Variants in PTGR1 observed in about 807,000 individuals in gnomAD.
The protein encoded by PTGR1 is 15-oxoprostaglandin 13-reductase.
Under a neutral mutation model 37.7 loss-of-function variants are expected in PTGR1, and 23 were observed. The ratio of observed to expected loss-of-function variants is 0.61; its 90% CI spans 0.44 to 0.86. The LOEUF (loss-of-function observed/expected upper bound fraction) is 0.86. Ranked by LOEUF, PTGR1 falls within the 40% of genes least tolerant of loss-of-function variation. The pLI is 0.00. For synonymous variants in PTGR1, 134 were observed against 140.0 expected (o/e 0.96, Z 0.30); for missense variants, 351 against 394.3 (o/e 0.89, Z 0.93).
intron 4 of PTGR1, among the ~76,000 whole-genome samples, chr9:111,588,976 T>C (rs915418136): frequency 4.6e-5 from 7 of 152,212 alleles, no homozygotes; most frequent in Non-Finnish European, 1.0e-4. Context: ...AGTCAGGATT[T>C]CTATAAATGG....
rs1828744564 is a variant in PTGR1, at chr9:111,570,137, T to A, written c.833A>T (p.Asp278Val). The stretch of plus-strand genomic sequence containing the variant: ...GTCCTTCAGAGCTTTTTGGCGGGCA[T>A]CTCCTTGCCAGCGGTAGACGACAAA... The part of the protein sequence containing the change: ...EAFVVYRWQG[D>V]ARQKALKDLL... The change falls in exon 9 of 10, where the codon GAT becomes GTT. Residue 278 changes from aspartate (D) to valine (V), a missense_variant. Coordinates refer to ENST00000407693, the MANE Select transcript of PTGR1 (RefSeq NM_001146108.2). 1 of 1,613,892 alleles carries A rather than the reference T, an allele frequency of 6.2e-7. No homozygotes were observed. The highest frequency in any genetic ancestry group is 1.3e-5 in the African/African-American group (1 of 74,868).
At chr9:111,565,358 T>G (rs568772315) in intron 9 of PTGR1, among the ~76,000 whole-genome samples, 1 of 152,310 alleles carries the variant, frequency 6.6e-6, no homozygotes, top group Non-Finnish European at 1.5e-5. Context: ...ATAAGTTTGT[T>G]GTTTAAGCCA....
chr9:111,581,165 G>A (rs1829269391), intron 6 of PTGR1, among the ~76,000 whole-genome samples: 1 of 152,218 alleles, frequency 6.6e-6, no homozygotes, highest in Admixed American at 6.5e-5. Context: ...AACTGATGCT[G>A]CTGCAAGTCA....
At chr9:111,554,321 C>T (rs1335453070) in intron 9 of PTGR1, among the ~76,000 whole-genome samples, 3 of 152,226 alleles carry the variant, frequency 2.0e-5, no homozygotes, top group African/African-American at 7.2e-5. Flanking sequence ...CACTTCTACT[C>T]TTCCGTTGCC....
chr9:111,565,647 C>G (rs1292890947), intron 9 of PTGR1, among the ~76,000 whole-genome samples: 2 of 152,110 alleles, frequency 1.3e-5, no homozygotes, highest in Non-Finnish European at 2.9e-5. Flanking sequence ...CCTCAGCCTC[C>G]CGAGTAGCTG....
chr9:111,592,841 T>C (rs956261026), intron 4 of PTGR1, 85 bp downstream of exon 4: 13 of 1,526,080 alleles, frequency 8.5e-6, no homozygotes, highest in South Asian at 1.3e-5. Flanking sequence ...GAAGAAATTG[T>C]AGGAGCAATG....
chr9:111,597,415 C>T lies in PTGR1; in HGVS notation c.8G>A (p.Arg3His), dbSNP rs776877398. The change falls in exon 2 of 10, where the codon CGT (arginine) becomes CAT (histidine). Residue 3 changes from arginine (R) to histidine (H), a missense_variant. Transcript: ENST00000407693. MV[R>H]TKTWTLKKHF... The stretch of plus-strand genomic sequence containing the variant: ...CTTCTTCAGGGTCCATGTCTTAGTA[C>T]GAACCATCCTGAAGCTCCTAGAACA... 6.8e-6 allele frequency: 11 copies of T among 1,609,444 alleles called. No homozygotes were observed. The highest frequency in any genetic ancestry group is 5.5e-5 in the South Asian group (5 of 90,498).
At chr9:111,560,944 AATATATATATATAT>A (rs746101013), downstream of PTGR1, among the ~76,000 whole-genome samples, 72 of 31,190 alleles carry the variant, frequency 2.3e-3, 1 homozygote, top group East Asian at 6.2e-3. Context: ...CTCCATCTAA[AATATATATATATAT>A]ATATATATAT....
downstream of PTGR1, among the ~76,000 whole-genome samples, chr9:111,560,196 T>C (rs1828233007): frequency 6.6e-6 from 1 of 151,394 alleles, no homozygotes; most frequent in Non-Finnish European, 1.5e-5. Flanking sequence ...AATACAAAAA[T>C]CAGGCTGGGC....
chr9:111,583,791 T>C (rs2132409377), intron 5 of PTGR1, among the ~76,000 whole-genome samples: 1 of 152,314 alleles, frequency 6.6e-6, no homozygotes, highest in African/African-American at 2.4e-5. Flanking sequence ...TGATGTGAAC[T>C]AGGGAGGGAA....
At chr9:111,598,139 A>C (rs752378362) in intron 1 of PTGR1, among the ~76,000 whole-genome samples, 47 of 152,008 alleles carry the variant, frequency 3.1e-4, no homozygotes, top group Non-Finnish European at 6.0e-4. Flanking sequence ...ATCGGGTGCG[A>C]ATTTTCTTTG....
chr9:111,586,186 A>C (rs749703415), intron 4 of PTGR1, 21 bp from the exon 5 acceptor site: 2 of 1,608,284 alleles, frequency 1.2e-6, no homozygotes, highest in East Asian at 2.2e-5. Context: ...AAGCACATTA[A>C]GGCATTAAGG....
In PTGR1 at chr9:111,588,054, C is replaced by T. The variant is rs1829493879; in HGVS notation, c.210-1889G>A. Reference sequence around the variant, plus strand: ...TTTGAGACACAGTCTCTCTCTGTTGCTCAGGCTGGAGTGTAGTGGTGCGAT... The same window carrying T: ...TTTGAGACACAGTCTCTCTCTGTTGTTCAGGCTGGAGTGTAGTGGTGCGAT... On this transcript the variant is annotated intron_variant, in intron 4 of 9. Coordinates refer to ENST00000407693, the MANE Select transcript of PTGR1 (RefSeq NM_001146108.2). Among the ~76,000 whole-genome samples, 3 of 144,490 alleles carry T rather than the reference C, an allele frequency of 2.1e-5. No homozygotes were observed. The Admixed American group carries it at 2.1e-4, about 10-fold the overall frequency. 94.8% of individuals were successfully genotyped at this position (144,490 alleles called of 152,430 possible). A position where few individuals can be genotyped will look rare whatever the true frequency, so the allele number is the denominator to read the frequency against.
At chr9:111,556,057 TAGAAC>T (rs1203223916) in intron 9 of PTGR1, among the ~76,000 whole-genome samples, 1 of 152,180 alleles carries the variant, frequency 6.6e-6, no homozygotes, top group Non-Finnish European at 1.5e-5. Flanking sequence ...ACTTCCAAGA[TAGAAC>T]AGGGGTACAG....
At position 111,598,336 on chromosome 9, in the gene PTGR1, AGTTAC is replaced by A. The variant is rs764260022; in HGVS notation, c.-10-909_-10-905del. On this transcript the variant is annotated intron_variant, in intron 1 of 9. Coordinates refer to ENST00000407693, the MANE Select transcript of PTGR1 (RefSeq NM_001146108.2). Reference sequence around the variant, plus strand: ...CGGGTGCATCCGCTACAAACAATCCAGTTACGAAACCATTTGGAGCTGCCAGTGAT... The same window carrying A: ...CGGGTGCATCCGCTACAAACAATCCAGAAACCATTTGGAGCTGCCAGTGAT... Among the ~76,000 whole-genome samples, 442 of 152,286 alleles carry A rather than the reference AGTTAC, an allele frequency of 2.9e-3. 5 individuals carry two copies. The highest frequency in any genetic ancestry group is 3.4e-3 in the Middle Eastern group (1 of 294).
chr9:111,595,411 T>G (rs1203542236), intron 2 of PTGR1, among the ~76,000 whole-genome samples: 4 of 152,194 alleles, frequency 2.6e-5, no homozygotes, highest in African/African-American at 9.7e-5. Context: ...TTTAAACCAT[T>G]ATGTTACAGT....
chr9:111,556,776 G>A (rs565594946), intron 9 of PTGR1, among the ~76,000 whole-genome samples: 66 of 152,274 alleles, frequency 4.3e-4, no homozygotes, highest in South Asian at 1.7e-3. Context: ...CTGCTGCCAT[G>A]TGAAGATGTG....
intron 9 of PTGR1, among the ~76,000 whole-genome samples, chr9:111,551,342 T>G (rs952675594): frequency 6.6e-6 from 1 of 151,984 alleles, no homozygotes; most frequent in African/African-American, 2.4e-5. Context: ...CAAACATACT[T>G]TGTTGTTGTT....
At chr9:111,576,192 A>C (rs1356533325) in intron 7 of PTGR1, among the ~76,000 whole-genome samples, 1 of 152,122 alleles carries the variant, frequency 6.6e-6, no homozygotes, top group Non-Finnish European at 1.5e-5. Context: ...GCAAAAACAA[A>C]AACAGAAAGA....
Sources: allele counts gnomAD v4.1 joint callset (sites outside exome capture counted in the v4.1 genomes callset), GRCh38; gene constraint gnomAD v4.1.1; transcripts MANE v1.5; gene names NCBI Gene and HGNC (gene_info 2026-07-23, HGNC 2026-07-21).